STKLD1: variants seen among roughly 807,000 people sequenced by gnomAD.
STKLD1 encodes the protein serine/threonine kinase like domain containing 1.
STKLD1 carries 79 observed loss-of-function variants against 80.4 expected under a neutral mutation model. That is an observed-to-expected ratio of 0.98 (90% CI 0.82 to 1.19). The LOEUF (loss-of-function observed/expected upper bound fraction) is 1.19, where lower values mean the gene tolerates loss of function less well. STKLD1 is among the 50% of genes most tolerant of loss of function. The pLI is 0.00. For missense variants in STKLD1, 841 were observed against 856.0 expected, an observed-to-expected ratio of 0.98 and a Z score of 0.22; for synonymous variants, 393 against 357.6, an observed-to-expected ratio of 1.10 and a Z score of -1.12.
Position 133,385,778 on chromosome 9 carries a change from C to A in STKLD1, c.294+87C>A. 8.0e-7 allele frequency: 1 copy of A among 1,252,456 alleles called. No individual in the cohort carries two copies. The highest frequency in any genetic ancestry group is 1.2e-5 in the South Asian group (1 of 80,020). 77.6% of individuals were successfully genotyped at this position (1,252,456 alleles called of 1,614,324 possible). A position where few individuals can be genotyped will look rare whatever the true frequency, so the allele number is the denominator to read the frequency against. ...ACTGAGCCCAGAGCACGCCCACCCC[C>A]CACTGTCAGAATAGCTCGTGTGGCA... On this transcript the variant is annotated intron_variant, in intron 4 of 17. Transcript: ENST00000371957. The surrounding 1 kb of genome is among the most constrained non-coding windows in gnomAD (Gnocchi z 4.9).
chr9:133,392,420 T>C (rs1554775904), intron 7 of STKLD1, among the ~76,000 whole-genome samples: 1 of 149,754 alleles, frequency 6.7e-6, no homozygotes, highest in East Asian at 2.0e-4. Flanking sequence ...GGGTGTGTGG[T>C]TTGGTGGGTG....
Position 133,403,928 on chromosome 9 carries a change from A to T in STKLD1, c.1612A>T (p.Lys538Ter), listed in dbSNP as rs150166055. ...CCGGCCCCTTTCTGCAGGCTGCATCAAGGAGCAGCAGTTTGAACAAGTGGT... is the reference window on the plus strand; with the variant it reads ...CCGGCCCCTTTCTGCAGGCTGCATCTAGGAGCAGCAGTTTGAACAAGTGGT... ...FWLLSLLGCI[K>*]EQQFEQVVAL... Residue 538 changes from lysine to a stop codon, truncating the protein, a stop_gained, in exon 16 of 18, where the codon AAG becomes TAG. Coordinates refer to ENST00000371957, the MANE Select transcript of STKLD1 (RefSeq NM_153710.5). LOFTEE classifies it high-confidence loss of function. 259 of 1,606,650 alleles carry T rather than the reference A, an allele frequency of 1.6e-4. No homozygotes were observed. Among genetic ancestry groups the T allele is most frequent in the Non-Finnish European group, 2.2e-4 (253 of 1,175,706 alleles).
chr9:133,381,106 G>A (rs1838120061), intron 2 of STKLD1, among the ~76,000 whole-genome samples: 2 of 149,846 alleles, frequency 1.3e-5, no homozygotes, highest in African/African-American at 4.9e-5. Context: ...TCCTAGGAGT[G>A]AGATTTCTGG....
chr9:133,395,862 A>G, intron 9 of STKLD1, 99 bp downstream of exon 9: 3 of 1,237,184 alleles, frequency 2.4e-6, no homozygotes, highest in Non-Finnish European at 3.4e-6. Flanking sequence ...TAACGCCTCA[A>G]AGAACTCCAT....
rs1007843014 is a variant in STKLD1, at chr9:133,405,838, T to TG, written c.*423dup. 9.2e-4 allele frequency: 146 copies of TG among 159,186 alleles called. No homozygotes were observed. The highest frequency in any genetic ancestry group is 1.3e-3 in the Non-Finnish European group (92 of 72,906). 9.9% of individuals were successfully genotyped at this position (159,186 alleles called of 1,614,324 possible). A position where few individuals can be genotyped will look rare whatever the true frequency, so the allele number is the denominator to read the frequency against. Reference sequence around the variant, plus strand: ...CCATGGGCCACTGTTTCCCTTGGGGTGGGGGGAAGGGTCATCCAGCACCAG... The same window carrying TG: ...CCATGGGCCACTGTTTCCCTTGGGGTGGGGGGGAAGGGTCATCCAGCACCAG... On this transcript the variant is annotated 3_prime_UTR_variant, in exon 18 of 18. Coordinates refer to ENST00000371957, the MANE Select transcript of STKLD1 (RefSeq NM_153710.5).
chr9:133,391,895 G>A (rs2130290481), intron 7 of STKLD1, among the ~76,000 whole-genome samples: 1 of 151,768 alleles, frequency 6.6e-6, no homozygotes, highest in Non-Finnish European at 1.5e-5. Context: ...TGGGTGCCAG[G>A]CACTGGCTGC....
Position 133,394,485 on chromosome 9 carries a change from A to G in STKLD1, c.702+76A>G. The stretch of plus-strand genomic sequence containing the variant: ...AGGCCTGGGGAAAAGGCTTGGCCTC[A>G]CCCTGCCTCCCCTCTGCATCCCTTC... On this transcript the variant is annotated intron_variant, in intron 8 of 17. Transcript: ENST00000371957. The surrounding 1 kb of genome is among the most constrained non-coding windows in gnomAD (Gnocchi z 4.9). 1 of 1,042,820 alleles carries G rather than the reference A, an allele frequency of 9.6e-7. No homozygotes were observed. The highest frequency in any genetic ancestry group is 2.4e-5 in the East Asian group (1 of 41,818). The allele number at this position is 1,042,820 out of a possible 1,614,324, so 64.6% of individuals were successfully genotyped here.
intron 9 of STKLD1, among the ~76,000 whole-genome samples, chr9:133,396,630 G>A (rs1189825487): frequency 2.0e-5 from 3 of 151,828 alleles, no homozygotes; most frequent in African/African-American, 2.4e-5. Context: ...GGTGGGGTGC[G>A]CCTGTAGTCC....
In STKLD1 at chr9:133,382,663, G is replaced by A. The variant is rs202175585; in HGVS notation, c.175-1193G>A. Among the ~76,000 whole-genome samples, 5 of 151,526 alleles carry A rather than the reference G, an allele frequency of 3.3e-5. No homozygotes were observed. In the East Asian group the frequency reaches 9.7e-4, roughly 29 times the overall value. ...TGATGATGGTGGTGGTGGTGTGATG[G>A]TGATGATAGTAATGGTGATGGTGGT... On this transcript the variant is annotated intron_variant, in intron 2 of 17. Transcript: ENST00000371957.
intron 1 of STKLD1, 71 bp from the exon 2 acceptor site, chr9:133,378,965 T>G: frequency 1.4e-6 from 2 of 1,398,622 alleles, no homozygotes; most frequent in South Asian, 2.5e-5. Flanking sequence ...AGAAAAGGAG[T>G]TGGAGCTGGG....
chr9:133,382,762 T>G (rs1838169613), intron 2 of STKLD1, among the ~76,000 whole-genome samples: 1 of 146,906 alleles, frequency 6.8e-6, no homozygotes, highest in Non-Finnish European at 1.5e-5. Flanking sequence ...ATGGTAATGA[T>G]GGTGATGATG....
chr9:133,387,702 A>G lies in STKLD1; in HGVS notation c.396+154A>G, dbSNP rs2130280444. ...TGCCTCGAGGCATTGCACTCTAGGT[A>G]ATGTGTGCAGATCTTAAGTGCACAG... is the stretch of plus-strand genomic sequence containing the variant. On this transcript the variant is annotated intron_variant, in intron 5 of 17. Coordinates refer to ENST00000371957, the MANE Select transcript of STKLD1 (RefSeq NM_153710.5). The G allele has an allele frequency of 1.1e-4, 81 of 710,056 alleles. 1 individual carries two copies. The highest frequency in any genetic ancestry group is 2.1e-4 in the Non-Finnish European group (80 of 385,206). 44.0% of individuals were successfully genotyped at this position (710,056 alleles called of 1,614,324 possible). A position where few individuals can be genotyped will look rare whatever the true frequency, so the allele number is the denominator to read the frequency against.
At chr9:133,399,789 G>C (rs782589684) in intron 11 of STKLD1, among the ~76,000 whole-genome samples, 31 of 151,494 alleles carry the variant, frequency 2.0e-4, no homozygotes, top group Non-Finnish European at 4.3e-4. Context: ...TGAGGCAGGA[G>C]AATCGCTTGA....
chr9:133,387,403 C>A, intron 4 of STKLD1, 44 bp from the exon 5 acceptor site: 1 of 1,543,116 alleles, frequency 6.5e-7, no homozygotes, highest in South Asian at 1.1e-5. Flanking sequence ...GCAGAAGCAC[C>A]GGGGCCTGGG....
Position 133,389,192 on chromosome 9 carries a change from C to A in STKLD1, c.397-334C>A. On this transcript the variant is annotated intron_variant, in intron 5 of 17. Coordinates refer to ENST00000371957, the MANE Select transcript of STKLD1 (RefSeq NM_153710.5). The surrounding 1 kb of genome is among the most constrained non-coding windows in gnomAD (Gnocchi z 6.4). ...TTCCACCTCTCCCATACCCGCAAGG[C>A]CGATCTGCCTTCAGCTCCCAGCAAG... 1 of 985,426 alleles carries A rather than the reference C, an allele frequency of 1.0e-6. No individual in the cohort carries two copies. The highest frequency in any genetic ancestry group is 1.2e-6 in the Non-Finnish European group (1 of 829,924). 61.0% of individuals were successfully genotyped at this position (985,426 alleles called of 1,614,324 possible).
intron 1 of STKLD1, among the ~76,000 whole-genome samples, chr9:133,377,939 G>A (rs2130256160): frequency 5.9e-4 from 90 of 152,164 alleles, no homozygotes; most frequent in Non-Finnish European, 1.2e-3. Context: ...CGGATCATCA[G>A]GCATTTGTTT....
chr9:133,392,551 ATGAG>A (rs372723075), intron 7 of STKLD1, among the ~76,000 whole-genome samples: 2 of 131,100 alleles, frequency 1.5e-5, no homozygotes, highest in African/African-American at 2.9e-5. Context: ...GGATGGATGG[ATGAG>A]TGGATGGATG....
rs1554778543 is a variant in STKLD1, at chr9:133,405,407, G to C, written c.2029G>C (p.Gly677Arg). The C allele has an allele frequency of 1.2e-6, 2 of 1,608,482 alleles. No individual in the cohort carries two copies. Among genetic ancestry groups the C allele is most frequent in the South Asian group, 2.2e-5 (2 of 90,930 alleles). Residue 677 changes from glycine (G) to arginine (R), a missense_variant, in exon 18 of 18, where the codon GGG becomes CGG. By Grantham distance (125) the Gly-to-Arg change is moderately radical. Transcript: ENST00000371957. ...GSPQLGCTTS[G>R]GLE The stretch of plus-strand genomic sequence containing the variant: ...CCCCCAGCTGGGGTGCACCACGTCT[G>C]GGGGACTGGAATAGATGTTTGTATG...
chr9:133,401,798 T>C lies in STKLD1; in HGVS notation c.1259T>C (p.Leu420Pro). ...AACCAAGCCATCACCTCCACCCTGC[T>C]GAGTGCTCTTCAGAGCCACCCCGAG... is the stretch of plus-strand genomic sequence containing the variant. ...PCNQAITSTL[L>P]SALQSHPEEE... is the part of the protein sequence containing the mutation. The change falls in exon 13 of 18, where the codon CTG becomes CCG. Residue 420 changes from leucine (L) to proline (P), a missense_variant. By Grantham distance (98) the Leu-to-Pro change is moderately conservative. Coordinates refer to ENST00000371957, the MANE Select transcript of STKLD1 (RefSeq NM_153710.5). The C allele has an allele frequency of 6.2e-7, 1 of 1,613,656 alleles. No individual in the cohort carries two copies. Among genetic ancestry groups the C allele is most frequent in the Non-Finnish European group, 8.5e-7 (1 of 1,180,014 alleles).
Sources: allele counts gnomAD v4.1 joint callset (sites outside exome capture counted in the v4.1 genomes callset), GRCh38; gene constraint gnomAD v4.1.1; non-coding constraint Gnocchi (gnomAD v3.1); transcripts MANE v1.5; gene names NCBI Gene and HGNC (gene_info 2026-07-23, HGNC 2026-07-21).